The following EPM2A variants were observed in gnomAD, a reference collection of about 807,000 sequenced individuals.
EPM2A encodes EPM2A glucan phosphatase, laforin.
Under a neutral mutation model 26.5 loss-of-function variants are expected in EPM2A, and 21 were observed. That is an observed-to-expected ratio of 0.79 (90% CI 0.56 to 1.14). EPM2A has a LOEUF of 1.14. Ranked by LOEUF, EPM2A falls within the 50% of genes most tolerant of loss-of-function variation. The pLI, the probability that EPM2A is intolerant of heterozygous loss-of-function variation, is 0.00. For synonymous variants in EPM2A, 217 were observed against 177.6 expected, an observed-to-expected ratio of 1.22 and a Z score of -1.76; for missense variants, 458 against 440.8, an observed-to-expected ratio of 1.04 and a Z score of -0.35.
At chr6:145,576,358 G>C (rs1781031250) in intron 2 of EPM2A, among the ~76,000 whole-genome samples, 1 of 137,614 alleles carries the variant, frequency 7.3e-6, no homozygotes, top group Non-Finnish European at 1.6e-5. Context: ...GTAGAAAATA[G>C]TCTGGAAATG....
At chr6:145,462,280 C>G (rs779315615) in intron 4 of EPM2A, among the ~76,000 whole-genome samples, 1 of 151,940 alleles carries the variant, frequency 6.6e-6, no homozygotes, top group Non-Finnish European at 1.5e-5. Context: ...TAAAAAGATC[C>G]AAGGAGATGC....
chr6:145,424,794 C>A (rs1028263907), intron 4 of EPM2A, among the ~76,000 whole-genome samples: 1 of 152,154 alleles, frequency 6.6e-6, no homozygotes, highest in African/African-American at 2.4e-5. Flanking sequence ...AAGGCATCAT[C>A]TGTGCAACAG....
intron 4 of EPM2A, among the ~76,000 whole-genome samples, chr6:145,454,439 G>A (rs1037493360): frequency 1.3e-5 from 2 of 152,106 alleles, no homozygotes; most frequent in Non-Finnish European, 1.5e-5. Flanking sequence ...GGTGGTATGA[G>A]GGGTATGGGA....
chr6:145,397,418 G>A (rs1054703818), intron 4 of EPM2A, among the ~76,000 whole-genome samples: 1 of 152,074 alleles, frequency 6.6e-6, no homozygotes, highest in Non-Finnish European at 1.5e-5. Context: ...TCCAGCTTGG[G>A]CAACAGAGCA....
At chr6:145,477,656 AT>A (rs1582786143) in intron 4 of EPM2A, among the ~76,000 whole-genome samples, 1 of 152,084 alleles carries the variant, frequency 6.6e-6, no homozygotes, top group East Asian at 1.9e-4. Flanking sequence ...GATATATAAT[AT>A]TAATCAAATG....
chr6:145,388,217 A>G (rs1042368032), intron 4 of EPM2A, among the ~76,000 whole-genome samples: 2 of 152,114 alleles, frequency 1.3e-5, no homozygotes, highest in African/African-American at 4.8e-5. Flanking sequence ...AAACCCTTCA[A>G]AGATTCTCCA....
In EPM2A at chr6:145,570,537, G is replaced by T. The variant is rs941880434; in HGVS notation, c.340+64708C>A. Among the ~76,000 whole-genome samples the T allele has an allele frequency of 2.0e-5, 3 of 152,320 alleles. No homozygotes were observed. The South Asian group carries it at 6.2e-4, about 32-fold the overall frequency. On this transcript the variant is annotated intron_variant, in intron 2 of 3. Coordinates refer to the EPM2A transcript ENST00000450221. Reference sequence around the variant, plus strand: ...ATGCACAAACATGTTTTTAACAAAAGAAGCAGGAAATACTCATGACAGTTA... The same window carrying T: ...ATGCACAAACATGTTTTTAACAAAATAAGCAGGAAATACTCATGACAGTTA...
At chr6:145,544,738 A>C (rs769148104) in intron 2 of EPM2A, among the ~76,000 whole-genome samples, 8 of 152,180 alleles carry the variant, frequency 5.3e-5, no homozygotes, top group Non-Finnish European at 8.8e-5. Flanking sequence ...TTTTGCTCAG[A>C]TCAGCCCACC....
chr6:145,505,199 A>G (rs989744166), intron 2 of EPM2A, among the ~76,000 whole-genome samples: 1 of 150,452 alleles, frequency 6.6e-6, no homozygotes, highest in Non-Finnish European at 1.5e-5. Context: ...TACATATGTA[A>G]CTAACCTGCA....
intron 4 of EPM2A, among the ~76,000 whole-genome samples, chr6:145,476,785 G>C (rs1194267053): frequency 6.6e-6 from 1 of 151,818 alleles, no homozygotes; most frequent in East Asian, 1.9e-4. Flanking sequence ...CAAAACCTGT[G>C]GGATACAGCC....
rs149321622 is a variant in EPM2A, at chr6:145,566,210, A to G, written c.341-63635T>C. On this transcript the variant is annotated intron_variant, in intron 2 of 3. Coordinates refer to the EPM2A transcript ENST00000450221. ...ATCTGTCATTAATTCTGTGACATTAAGAGAACCCCTTCACATATTTGCTAA... is the reference window on the plus strand; with the variant it reads ...ATCTGTCATTAATTCTGTGACATTAGGAGAACCCCTTCACATATTTGCTAA... 3.9e-3 allele frequency among the ~76,000 whole-genome samples: 600 copies of G among 152,352 alleles called. 6 individuals carry two copies. Among genetic ancestry groups the G allele is most frequent in the African/African-American group, 0.014 (580 of 41,590 alleles).
intron 1 of EPM2A, among the ~76,000 whole-genome samples, chr6:145,704,283 T>C (rs949799855): frequency 3.6e-4 from 55 of 152,282 alleles, no homozygotes; most frequent in African/African-American, 1.3e-3. Flanking sequence ...TGGGAAACAA[T>C]GAGGTACTTA....
At chr6:145,694,864 G>A in intron 1 of EPM2A, among the ~76,000 whole-genome samples, 1 of 151,932 alleles carries the variant, frequency 6.6e-6, no homozygotes, top group Non-Finnish European at 1.5e-5. Context: ...CAGTTCCTGA[G>A]ATAAAGAATA....
rs1780044415 is a variant in EPM2A at position 145,510,800 on chromosome 6, CA to C, written c.341-8226del. On this transcript the variant is annotated intron_variant, in intron 2 of 3. Coordinates refer to the EPM2A transcript ENST00000450221. ...ATGAAATTCAGACCAAAATGATCAA[CA>C]AAATGAAAAGTTGTCCTTTGAAAGG... 1.3e-5 allele frequency among the ~76,000 whole-genome samples: 2 copies of C among 151,874 alleles called. 1 individual carries two copies. The highest frequency in any genetic ancestry group is 4.1e-4 in the South Asian group (2 of 4,820).
chr6:145,534,645 C>T (rs761536422), intron 2 of EPM2A, among the ~76,000 whole-genome samples: 7 of 152,300 alleles, frequency 4.6e-5, no homozygotes, highest in African/African-American at 7.2e-5. Context: ...CTTTTGGTGA[C>T]GGAGCAGATG....
chr6:145,456,625 T>G (rs755257471), intron 4 of EPM2A, among the ~76,000 whole-genome samples: 3 of 152,146 alleles, frequency 2.0e-5, no homozygotes, highest in Non-Finnish European at 4.4e-5. Context: ...TTCTACAAAC[T>G]TATTGGGGCT....
At chr6:145,515,650 CT>C (rs1210692466) in intron 2 of EPM2A, among the ~76,000 whole-genome samples, 7 of 152,156 alleles carry the variant, frequency 4.6e-5, no homozygotes, top group African/African-American at 1.7e-4. Flanking sequence ...ATCTAATCAC[CT>C]CTTGAAGTCC....
chr6:145,497,248 G>T (rs1329849887), downstream of EPM2A, among the ~76,000 whole-genome samples: 2 of 152,156 alleles, frequency 1.3e-5, no homozygotes, highest in African/African-American at 4.8e-5. Context: ...ATGCGGTTTT[G>T]GGTTTGTTCT....
At chr6:145,523,741 A>G (rs995617904) in intron 2 of EPM2A, among the ~76,000 whole-genome samples, 1 of 152,184 alleles carries the variant, frequency 6.6e-6, no homozygotes, top group African/African-American at 2.4e-5. Context: ...TTCAAGTGAA[A>G]GAAAGAGTCC....
Sources: allele counts gnomAD v4.1 joint callset (sites outside exome capture counted in the v4.1 genomes callset), GRCh38; gene constraint gnomAD v4.1.1; transcripts MANE v1.5; gene names NCBI Gene and HGNC (gene_info 2026-07-23, HGNC 2026-07-21).